KCND2: variants seen among roughly 807,000 people sequenced by gnomAD.
The protein encoded by KCND2 is potassium voltage-gated channel subfamily D member 2.
Under a neutral mutation model 54.4 loss-of-function variants are expected in KCND2, and 16 were observed. The ratio of observed to expected loss-of-function variants is 0.29; its 90% CI spans 0.20 to 0.45. KCND2 has a LOEUF of 0.45. Ranked by LOEUF, KCND2 falls within the 20% of genes least tolerant of loss-of-function variation. KCND2 has a pLI of 1.00. For missense variants in KCND2, 486 were observed against 824.2 expected (o/e 0.59, Z 5.02); for synonymous variants, 317 against 310.7 (o/e 1.02, Z -0.21).
intron 1 of KCND2, among the ~76,000 whole-genome samples, chr7:120,439,033 A>G (rs1455314950): frequency 6.6e-6 from 1 of 152,126 alleles, no homozygotes; most frequent in Non-Finnish European, 1.5e-5. Context: ...TGGAATAGCT[A>G]TACTGATGAT....
At chr7:120,554,947 A>T (rs149443465) in intron 1 of KCND2, among the ~76,000 whole-genome samples, 129 of 152,278 alleles carry the variant, frequency 8.5e-4, no homozygotes, top group African/African-American at 2.9e-3. Context: ...AAGGAAATGG[A>T]TCTAAGAATG....
rs746768512 is a variant in KCND2 at position 120,289,794 on chromosome 7, C to T, written c.1115+14047C>T. Among the ~76,000 whole-genome samples the T allele has an allele frequency of 2.6e-5, 4 of 152,200 alleles. No homozygotes were observed. The South Asian group carries it at 6.2e-4, about 24-fold the overall frequency. On this transcript the variant is annotated intron_variant, in intron 1 of 5. Transcript: ENST00000331113. ...CATTTTTAATTTGGAATATTAAAAA[C>T]AAAATGGCTTCCAACTTTTCATCCA...
intron 1 of KCND2, among the ~76,000 whole-genome samples, chr7:120,454,141 A>C (rs1419640216): frequency 1.3e-5 from 2 of 152,122 alleles, no homozygotes; most frequent in African/African-American, 4.8e-5. Context: ...CTAACATCAC[A>C]CCAAGAACTG....
At chr7:120,716,784 C>A (rs1265001406) in intron 1 of KCND2, among the ~76,000 whole-genome samples, 1 of 151,930 alleles carries the variant, frequency 6.6e-6, no homozygotes, top group African/African-American at 2.4e-5. Context: ...CATATTTAAT[C>A]CCAAAGAGAT....
intron 1 of KCND2, among the ~76,000 whole-genome samples, chr7:120,680,386 G>A (rs1792123947): frequency 6.6e-6 from 1 of 152,038 alleles, no homozygotes; most frequent in Non-Finnish European, 1.5e-5. Flanking sequence ...TGATATTCGT[G>A]ATACCAGACT....
intron 1 of KCND2, among the ~76,000 whole-genome samples, chr7:120,604,458 G>A (rs533904223): frequency 4.7e-4 from 70 of 150,320 alleles, no homozygotes; most frequent in Admixed American, 1.3e-3. Flanking sequence ...AGCCGAGGTC[G>A]TACCACTGCA....
At chr7:120,602,360 G>C (rs868211472) in intron 1 of KCND2, among the ~76,000 whole-genome samples, 4 of 151,992 alleles carry the variant, frequency 2.6e-5, no homozygotes, top group Non-Finnish European at 5.9e-5. Context: ...CATTTTTCTT[G>C]TTTGTTTTCC....
intron 1 of KCND2, among the ~76,000 whole-genome samples, chr7:120,600,429 G>A (rs767214975): frequency 8.6e-5 from 13 of 151,820 alleles, no homozygotes; most frequent in Non-Finnish European, 1.6e-4. Flanking sequence ...ATCTTAAAAC[G>A]TGTCTCACTA....
intron 1 of KCND2, among the ~76,000 whole-genome samples, chr7:120,424,363 ATCTGGT>A (rs1168097327): frequency 6.6e-6 from 1 of 152,188 alleles, no homozygotes; most frequent in African/African-American, 2.4e-5. Flanking sequence ...TATGTATAGA[ATCTGGT>A]TCAGCATAAG....
intron 1 of KCND2, among the ~76,000 whole-genome samples, chr7:120,682,422 T>C (rs1272678846): frequency 6.6e-6 from 1 of 152,086 alleles, no homozygotes; most frequent in African/African-American, 2.4e-5. Flanking sequence ...CCAGGACTAG[T>C]AATTCAAAAA....
chr7:120,699,451 T>G (rs911043760), intron 1 of KCND2, among the ~76,000 whole-genome samples: 2 of 152,138 alleles, frequency 1.3e-5, no homozygotes, highest in African/African-American at 4.8e-5. Flanking sequence ...ACCAGAAGCT[T>G]TGCTCAACAG....
At chr7:120,732,815 T>C in intron 1 of KCND2, 88 bp from the exon 2 acceptor site, 1 of 1,084,486 alleles carries the variant, frequency 9.2e-7, no homozygotes. Flanking sequence ...AAAAAATCAT[T>C]TGACTTAAAG....
At chr7:120,369,393 G>A (rs1009977545) in intron 1 of KCND2, among the ~76,000 whole-genome samples, 1 of 151,920 alleles carries the variant, frequency 6.6e-6, no homozygotes, top group African/African-American at 2.4e-5. Flanking sequence ...AACAGCTTGC[G>A]GGGGTCAATC....
At chr7:120,494,541 CT>C (rs1331123582) in intron 1 of KCND2, among the ~76,000 whole-genome samples, 3 of 152,056 alleles carry the variant, frequency 2.0e-5, no homozygotes, top group Non-Finnish European at 4.4e-5. Context: ...CATATCATGT[CT>C]TATGGACACA....
At chr7:120,550,041 TC>T (rs1218691382) in intron 1 of KCND2, among the ~76,000 whole-genome samples, 3 of 152,004 alleles carry the variant, frequency 2.0e-5, no homozygotes, top group Admixed American at 1.3e-4. Context: ...GCAGAGCCAA[TC>T]TCACATGTAG....
Position 120,712,699 on chromosome 7 carries a change from T to C in KCND2, c.1116-20204T>C, listed in dbSNP as rs561833524. ...ATCTAAGAGAATAAATTTTATTTGG[T>C]TTTAAAATAGAAGGAAACGAAAAGA... On this transcript the variant is annotated intron_variant, in intron 1 of 5. Transcript: ENST00000331113. 3.9e-4 allele frequency among the ~76,000 whole-genome samples: 60 copies of C among 152,262 alleles called. 1 individual carries two copies. The Middle Eastern group carries it at 0.031, about 78-fold the overall frequency.
intron 1 of KCND2, among the ~76,000 whole-genome samples, chr7:120,711,081 C>G (rs542729437): frequency 6.6e-6 from 1 of 151,854 alleles, no homozygotes; most frequent in African/African-American, 2.4e-5. Context: ...ACAATTAGAA[C>G]TATGCATATG....
chr7:120,423,391 C>T (rs1270538646), intron 1 of KCND2, among the ~76,000 whole-genome samples: 1 of 152,184 alleles, frequency 6.6e-6, no homozygotes, highest in African/African-American at 2.4e-5. Context: ...TTTCCTTTTA[C>T]ATTAGATTTC....
chr7:120,629,344 G>C (rs1261801632), intron 1 of KCND2, among the ~76,000 whole-genome samples: 1 of 152,128 alleles, frequency 6.6e-6, no homozygotes, highest in Admixed American at 6.6e-5. Context: ...AAATTAGCCG[G>C]GCGTGGTGGC....
Sources: allele counts gnomAD v4.1 joint callset (sites outside exome capture counted in the v4.1 genomes callset), GRCh38; gene constraint gnomAD v4.1.1; transcripts MANE v1.5; gene names NCBI Gene and HGNC (gene_info 2026-07-23, HGNC 2026-07-21).